BCAS3: variants seen among roughly 807,000 people sequenced by gnomAD.
BCAS3 encodes the protein BCAS3 microtubule associated cell migration factor.
BCAS3 carries 53 observed loss-of-function variants against 116.1 expected under a neutral mutation model. That is an observed-to-expected ratio of 0.46 (90% CI 0.37 to 0.57). BCAS3 has a LOEUF of 0.57. Ranked by LOEUF, BCAS3 falls within the 20% of genes least tolerant of loss-of-function variation. The probability of loss-of-function intolerance (pLI) is 0.00; values close to 1 mark genes in which losing one functional copy is unlikely to be tolerated. For missense variants in BCAS3, 917 were observed against 1,165.4 expected, an observed-to-expected ratio of 0.79 and a Z score of 3.10; for synonymous variants, 391 against 408.2, an observed-to-expected ratio of 0.96 and a Z score of 0.51.
intron 7 of BCAS3, among the ~76,000 whole-genome samples, chr17:60,814,269 TTGTGTGTGTG>T (rs67077498): frequency 1.9e-4 from 26 of 134,918 alleles, no homozygotes; most frequent in East Asian, 1.2e-3. Context: ...TCTTGGTATT[TTGTGTGTGTG>T]TGTGTGTGTG....
chr17:60,999,615 AT>A (rs1189016948), intron 15 of BCAS3, among the ~76,000 whole-genome samples: 1 of 151,310 alleles, frequency 6.6e-6, no homozygotes, highest in Non-Finnish European at 1.5e-5. Context: ...TTGGCTTAGG[AT>A]TGCTTTGGCT....
In BCAS3 at chr17:61,239,437, G is replaced by A. The variant is rs983496854; in HGVS notation, c.2426-128890G>A. On this transcript the variant is annotated intron_variant, in intron 22 of 23. Transcript: ENST00000407086. The surrounding 1 kb of genome is among the most constrained non-coding windows in gnomAD (Gnocchi z 4.2). ...CAATTTGCAAAGCCTCTAGCAGATA[G>A]TTCTGAAACCTTTGTGAACGCTTTC... Among the ~76,000 whole-genome samples the A allele has an allele frequency of 6.6e-6, 1 of 152,180 alleles. No homozygotes were observed. Among genetic ancestry groups the A allele is most frequent in the African/African-American group, 2.4e-5 (1 of 41,464 alleles).
chr17:60,979,971 T>A (rs141472114), intron 14 of BCAS3, among the ~76,000 whole-genome samples: 2,843 of 152,042 alleles, frequency 0.019, 95 homozygotes, highest in African/African-American at 0.064. Context: ...TTTGGTTGTG[T>A]ATTTGCCCGG....
At chr17:60,685,229 G>A (rs542513205) in intron 3 of BCAS3, among the ~76,000 whole-genome samples, 2 of 152,068 alleles carry the variant, frequency 1.3e-5, no homozygotes, top group African/African-American at 4.8e-5. Context: ...CACTTTGGGA[G>A]GCTGAGGTCA....
At chr17:60,825,252 T>A (rs2050283299) in intron 7 of BCAS3, among the ~76,000 whole-genome samples, 1 of 151,994 alleles carries the variant, frequency 6.6e-6, no homozygotes, top group Non-Finnish European at 1.5e-5. Context: ...GTGGTTTTAT[T>A]TAATGATGAA....
chr17:61,030,953 T>G (rs184758171), intron 16 of BCAS3, among the ~76,000 whole-genome samples: 21 of 151,956 alleles, frequency 1.4e-4, no homozygotes, highest in Non-Finnish European at 2.9e-5. Flanking sequence ...GTATAACCAT[T>G]TTAAAAAAAA....
At position 61,219,560 on chromosome 17, in the gene BCAS3, C is replaced by T. The variant is rs1448988416; in HGVS notation, c.2425+134996C>T. ...GACAGTACCACTGAATTGCTTGAGGCAGATAGCATCTCAGCGATCACTGTG... is the reference window on the plus strand; with the variant it reads ...GACAGTACCACTGAATTGCTTGAGGTAGATAGCATCTCAGCGATCACTGTG... On this transcript the variant is annotated intron_variant, in intron 22 of 23. Coordinates refer to ENST00000407086, the MANE Select transcript of BCAS3 (RefSeq NM_017679.5). This position sits in a 1 kb window ranked among gnomAD's most constrained non-coding sequence, Gnocchi z 5.2. Among the ~76,000 whole-genome samples, 3 of 152,218 alleles carry T rather than the reference C, an allele frequency of 2.0e-5. No homozygotes were observed. The highest frequency in any genetic ancestry group is 4.4e-5 in the Non-Finnish European group (3 of 68,032).
chr17:60,678,706 C>T (rs2032447781), intron 1 of BCAS3, among the ~76,000 whole-genome samples: 1 of 152,116 alleles, frequency 6.6e-6, no homozygotes, highest in Non-Finnish European at 1.5e-5. Context: ...TCATAGATTC[C>T]CAACAGGTTT....
intron 22 of BCAS3, among the ~76,000 whole-genome samples, chr17:61,262,614 C>T (rs1192390008): frequency 6.6e-6 from 1 of 152,084 alleles, no homozygotes; most frequent in Non-Finnish European, 1.5e-5. Context: ...CTCCTGACCT[C>T]AGGTGATCCA....
At chr17:61,283,315 T>TAA (rs1009272096) in intron 22 of BCAS3, among the ~76,000 whole-genome samples, 1 of 152,230 alleles carries the variant, frequency 6.6e-6, no homozygotes, top group African/African-American at 2.4e-5. Flanking sequence ...CACTCTATGC[T>TAA]AAGTACTTTA....
At chr17:60,930,629 T>A (rs1003528609) in intron 13 of BCAS3, among the ~76,000 whole-genome samples, 1 of 152,286 alleles carries the variant, frequency 6.6e-6, no homozygotes, top group African/African-American at 2.4e-5. Flanking sequence ...CTAATTTTTG[T>A]ATTTTTTTAG....
chr17:61,164,878 G>A (rs1341566485), intron 22 of BCAS3, among the ~76,000 whole-genome samples: 2 of 152,188 alleles, frequency 1.3e-5, no homozygotes, highest in East Asian at 3.8e-4. Flanking sequence ...TAAGATACCT[G>A]TTCATTCATA....
Position 61,347,933 on chromosome 17 carries a change from G to A in BCAS3, c.2426-20394G>A, listed in dbSNP as rs2057600038. 6.6e-6 allele frequency among the ~76,000 whole-genome samples: 1 copy of A among 152,234 alleles called. No homozygotes were observed. The highest frequency in any genetic ancestry group is 6.5e-5 in the Admixed American group (1 of 15,288). ...TCTGGAAAGCTGCTAGAGGCCAGATGATAGACAGTTGTGCTAAGAAGATTG... is the reference window on the plus strand; with the variant it reads ...TCTGGAAAGCTGCTAGAGGCCAGATAATAGACAGTTGTGCTAAGAAGATTG... On this transcript the variant is annotated intron_variant, in intron 22 of 23. Transcript: ENST00000407086. The surrounding 1 kb of genome is among the most constrained non-coding windows in gnomAD (Gnocchi z 4.3).
intron 13 of BCAS3, among the ~76,000 whole-genome samples, chr17:60,938,522 C>T (rs2060054928): frequency 6.6e-6 from 1 of 152,078 alleles, no homozygotes; most frequent in South Asian, 2.1e-4. Flanking sequence ...GGATAATAGG[C>T]TTAGCATAAA....
intron 12 of BCAS3, among the ~76,000 whole-genome samples, chr17:60,921,978 AT>A (rs960014764): frequency 4.6e-5 from 7 of 151,882 alleles, no homozygotes; most frequent in Admixed American, 3.3e-4. Context: ...CAGATAAAAC[AT>A]TTTTTTCTTT....
chr17:61,001,777 C>G (rs2064256896), intron 15 of BCAS3, among the ~76,000 whole-genome samples: 1 of 151,964 alleles, frequency 6.6e-6, no homozygotes, highest in Non-Finnish European at 1.5e-5. Flanking sequence ...TTAAAGTTTT[C>G]CTGGTGAATT....
chr17:61,388,705 G>A lies in BCAS3; in HGVS notation c.2594-3272G>A, dbSNP rs1453123827. The A allele has an allele frequency of 6.5e-7, 1 of 1,549,692 alleles. No individual in the cohort carries two copies. The stretch of plus-strand genomic sequence containing the variant: ...AACAAAGCATGCGTTCGGGATGGAG[G>A]AAGGTAAGGCCACACGTTTCCATTT... On this transcript the variant is annotated intron_variant, in intron 23 of 23. Coordinates refer to ENST00000407086, the MANE Select transcript of BCAS3 (RefSeq NM_017679.5). The surrounding 1 kb of genome is among the most constrained non-coding windows in gnomAD (Gnocchi z 6.5).
Position 61,161,553 on chromosome 17 carries a change from C to CT in BCAS3, c.2425+76997dup, listed in dbSNP as rs1188733582. Among the ~76,000 whole-genome samples the CT allele has an allele frequency of 6.6e-6, 1 of 152,048 alleles. No individual in the cohort carries two copies. The highest frequency in any genetic ancestry group is 1.5e-5 in the Non-Finnish European group (1 of 68,008). Reference sequence around the variant, plus strand: ...ATTGATCATGTGATTCTATCAGTATCTTTTTTTTCTTTTATTTTGCCTCAG... The same window carrying CT: ...ATTGATCATGTGATTCTATCAGTATCTTTTTTTTTCTTTTATTTTGCCTCAG... On this transcript the variant is annotated intron_variant, in intron 22 of 23. Transcript: ENST00000407086. The surrounding 1 kb of genome is among the most constrained non-coding windows in gnomAD (Gnocchi z 4.8).
chr17:60,976,020 C>CTTTTTTTCTTTTTT (rs2062327433), intron 14 of BCAS3, among the ~76,000 whole-genome samples: 4 of 98,284 alleles, frequency 4.1e-5, no homozygotes, highest in Non-Finnish European at 7.1e-5. Context: ...TAGATTTTTG[C>CTTTTTTTCTTTTTT]TTTTTTTTTT....
Sources: gnomAD v4.1 joint callset for allele counts (sites outside exome capture counted in the v4.1 genomes callset) on GRCh38, gnomAD v4.1.1 for gene constraint, Gnocchi (gnomAD v3.1) non-coding constraint, MANE v1.5 for transcripts, NCBI Gene and HGNC (gene_info 2026-07-23, HGNC 2026-07-21) for gene names.